Variants in CNTNAP2 observed in about 807,000 individuals in gnomAD.
The protein encoded by CNTNAP2 is contactin associated protein 2.
Under a neutral mutation model 155.2 loss-of-function variants are expected in CNTNAP2, and 98 were observed. The ratio of observed to expected loss-of-function variants is 0.63; its 90% CI spans 0.54 to 0.75. The LOEUF (loss-of-function observed/expected upper bound fraction) is 0.75, where lower values mean the gene tolerates loss of function less well. Among genes scored for constraint, CNTNAP2 ranks in the 30% least tolerant of loss-of-function variants. CNTNAP2 has a pLI of 0.00. For synonymous variants in CNTNAP2, 651 were observed against 631.2 expected, an observed-to-expected ratio of 1.03 and a Z score of -0.47; for missense variants, 1,727 against 1,688.1, an observed-to-expected ratio of 1.02 and a Z score of -0.40.
chr7:148,212,757 T>C (rs2116748976), intron 18 of CNTNAP2, among the ~76,000 whole-genome samples: 1 of 152,276 alleles, frequency 6.6e-6, no homozygotes, highest in African/African-American at 2.4e-5. Context: ...GATTTGGCAT[T>C]TTCTTAAAGA....
chr7:147,775,403 T>TTA (rs1491111321), intron 13 of CNTNAP2, among the ~76,000 whole-genome samples: 3 of 81,022 alleles, frequency 3.7e-5, no homozygotes, highest in African/African-American at 4.5e-5. Flanking sequence ...ATATATATAT[T>TTA]TATATATATA....
chr7:148,286,468 C>T (rs1797084344), intron 21 of CNTNAP2, among the ~76,000 whole-genome samples: 1 of 152,060 alleles, frequency 6.6e-6, no homozygotes, highest in African/African-American at 2.4e-5. Flanking sequence ...AAAGAAAAGT[C>T]AAACAATAAG....
At chr7:147,281,044 C>A (rs1003225807) in intron 8 of CNTNAP2, among the ~76,000 whole-genome samples, 7 of 151,864 alleles carry the variant, frequency 4.6e-5, no homozygotes, top group Non-Finnish European at 7.4e-5. Flanking sequence ...TTTTTTGAAT[C>A]TCGATTTAAT....
intron 3 of CNTNAP2, among the ~76,000 whole-genome samples, chr7:146,965,316 T>C (rs1185090941): frequency 6.6e-6 from 1 of 152,064 alleles, no homozygotes; most frequent in Non-Finnish European, 1.5e-5. Context: ...GCTTTGTTCT[T>C]CTCTAAATGC....
intron 10 of CNTNAP2, among the ~76,000 whole-genome samples, chr7:147,459,005 G>C (rs948637601): frequency 2.6e-5 from 4 of 151,942 alleles, no homozygotes; most frequent in Admixed American, 1.3e-4. Context: ...ACTATATTAT[G>C]GTTTATTATC....
At chr7:147,627,499 C>T (rs956879842) in intron 12 of CNTNAP2, among the ~76,000 whole-genome samples, 61 of 151,820 alleles carry the variant, frequency 4.0e-4, no homozygotes, top group African/African-American at 1.4e-3. Flanking sequence ...AGTTCAAGAC[C>T]AGCCTGGCCA....
intron 15 of CNTNAP2, chr7:148,044,818 TG>T (rs1195485149): frequency 6.6e-6 from 1 of 152,412 alleles, no homozygotes; most frequent in African/African-American, 2.4e-5. Context: ...GTGTATGTTT[TG>T]TTTTGGTTCG....
intron 19 of CNTNAP2, among the ~76,000 whole-genome samples, chr7:148,224,896 A>G (rs111309274): frequency 6.6e-6 from 1 of 152,200 alleles, no homozygotes; most frequent in African/African-American, 2.4e-5. Flanking sequence ...ATCACAACTC[A>G]GTCACTATCA....
intron 11 of CNTNAP2, among the ~76,000 whole-genome samples, chr7:147,522,719 G>T (rs1283743468): frequency 2.1e-5 from 3 of 145,094 alleles, no homozygotes; most frequent in African/African-American, 7.6e-5. Flanking sequence ...GAGAAACATG[G>T]ATAGCTGATG....
chr7:147,065,149 C>A (rs183967339), intron 4 of CNTNAP2, among the ~76,000 whole-genome samples: 2 of 152,074 alleles, frequency 1.3e-5, no homozygotes, highest in Non-Finnish European at 2.9e-5. Flanking sequence ...AGCTATGAAG[C>A]CTTAAGCAAG....
At chr7:146,451,979 A>G (rs1796490779) in intron 1 of CNTNAP2, among the ~76,000 whole-genome samples, 1 of 150,856 alleles carries the variant, frequency 6.6e-6, no homozygotes, top group Non-Finnish European at 1.5e-5. Context: ...CGCGATCTCG[A>G]CTCACTGCAA....
intron 12 of CNTNAP2, among the ~76,000 whole-genome samples, chr7:147,563,020 T>C (rs1296329559): frequency 6.6e-6 from 1 of 152,220 alleles, no homozygotes. Flanking sequence ...ATGCTACTGA[T>C]GGTAGTTACT....
At chr7:146,504,105 G>A (rs6979255) in intron 1 of CNTNAP2, among the ~76,000 whole-genome samples, 10,015 of 152,318 alleles carry the variant, frequency 0.066, 819 homozygotes, top group African/African-American at 0.19. Flanking sequence ...TGTACCAGAT[G>A]TCTGCCTCAG....
chr7:146,128,545 C>T (rs750272792), intron 1 of CNTNAP2, among the ~76,000 whole-genome samples: 22 of 152,240 alleles, frequency 1.4e-4, no homozygotes, highest in Admixed American at 1.3e-4. Flanking sequence ...TAATTTAAGA[C>T]TTAGTCGCTA....
At chr7:146,396,307 T>A (rs1348480504) in intron 1 of CNTNAP2, among the ~76,000 whole-genome samples, 1 of 152,144 alleles carries the variant, frequency 6.6e-6, no homozygotes, top group Non-Finnish European at 1.5e-5. Flanking sequence ...ACTTCATTTT[T>A]CTAGTGTTTC....
chr7:147,574,805 T>G (rs905315089), intron 12 of CNTNAP2, among the ~76,000 whole-genome samples: 1 of 152,078 alleles, frequency 6.6e-6, no homozygotes, highest in Admixed American at 6.6e-5. Flanking sequence ...GCAGGGATTC[T>G]TTTAGAAAAT....
intron 1 of CNTNAP2, among the ~76,000 whole-genome samples, chr7:146,357,322 G>T (rs953177359): frequency 6.7e-6 from 1 of 149,914 alleles, no homozygotes; most frequent in Non-Finnish European, 1.5e-5. Flanking sequence ...AAAAATAAAT[G>T]ACCCTAATCA....
At chr7:147,890,615 A>T (rs1410346929) in intron 13 of CNTNAP2, among the ~76,000 whole-genome samples, 4 of 152,246 alleles carry the variant, frequency 2.6e-5, no homozygotes, top group African/African-American at 4.8e-5. Flanking sequence ...GGATGAATGG[A>T]TAAAGAGAAA....
At chr7:146,298,796 A>T (rs2129087930) in intron 1 of CNTNAP2, among the ~76,000 whole-genome samples, 1 of 152,270 alleles carries the variant, frequency 6.6e-6, no homozygotes, top group African/African-American at 2.4e-5. Context: ...AGTGATAGTG[A>T]TGTGATCTCT....
Sources: allele counts gnomAD v4.1 joint callset (sites outside exome capture counted in the v4.1 genomes callset), GRCh38; gene constraint gnomAD v4.1.1; transcripts MANE v1.5; gene names NCBI Gene and HGNC (gene_info 2026-07-23, HGNC 2026-07-21).